Variants in IL1RAPL1 observed in about 807,000 individuals in gnomAD.
IL1RAPL1 encodes interleukin-1 receptor accessory protein-like 1.
In IL1RAPL1, 3 loss-of-function variants were observed where a neutral mutation model predicts 48.4. The ratio of observed to expected loss-of-function variants is 0.06; its 90% CI spans 0.03 to 0.16. IL1RAPL1 has a LOEUF of 0.16. IL1RAPL1 is among the 10% of genes least tolerant of loss of function. The pLI is 1.00. For missense variants in IL1RAPL1, 349 were observed against 530.6 expected, an observed-to-expected ratio of 0.66 and a Z score of 3.36; for synonymous variants, 185 against 187.7, an observed-to-expected ratio of 0.99 and a Z score of 0.12.
intron 6 of IL1RAPL1, among the ~76,000 whole-genome samples, chrX:29,887,213 C>T (rs755832031): frequency 7.1e-5 from 8 of 112,159 alleles, no homozygotes; most frequent in South Asian, 3.7e-4. Flanking sequence ...AGAGTAAAAT[C>T]GCCACAGATT....
chrX:29,528,297 A>G (rs1935575767), intron 5 of IL1RAPL1, among the ~76,000 whole-genome samples: 1 of 112,696 alleles, frequency 8.9e-6, no homozygotes, highest in Admixed American at 9.4e-5. Context: ...TAGTACATAT[A>G]CACAATAAAG....
chrX:29,738,450 C>CTTTTTTTTTTTTTTTTTTTTTTTTTTT (rs59952038), intron 6 of IL1RAPL1, among the ~76,000 whole-genome samples: 5 of 86,165 alleles, frequency 5.8e-5, no homozygotes, highest in African/African-American at 1.4e-4. Flanking sequence ...CTTTTCTTTT[C>CTTTTTTTTTTTTTTTTTTTTTTTTTTT]TTTTTTTTTT....
At chrX:29,538,012 A>G (rs1478600413) in intron 5 of IL1RAPL1, among the ~76,000 whole-genome samples, 1 of 111,411 alleles carries the variant, frequency 9.0e-6, no homozygotes, top group Non-Finnish European at 1.9e-5. Flanking sequence ...TACATTAACT[A>G]TATTTCATTC....
chrX:28,943,466 G>A (rs952516707), intron 2 of IL1RAPL1, among the ~76,000 whole-genome samples: 3 of 110,093 alleles, frequency 2.7e-5, no homozygotes, highest in Non-Finnish European at 5.7e-5. Context: ...TAGATGTCAT[G>A]GAGGAAGAAT....
At chrX:29,306,710 A>C (rs1602161774) in intron 3 of IL1RAPL1, among the ~76,000 whole-genome samples, 2 of 95,848 alleles carry the variant, frequency 2.1e-5, no homozygotes, top group Non-Finnish European at 4.2e-5. Context: ...AAAATACAAA[A>C]ATTAGCTGGG....
intron 1 of IL1RAPL1, among the ~76,000 whole-genome samples, chrX:28,593,297 T>C (rs1933923080): frequency 9.0e-6 from 1 of 111,639 alleles, no homozygotes; most frequent in African/African-American, 3.3e-5. Flanking sequence ...TGTTGCTTTC[T>C]TATCACATGA....
chrX:29,230,510 A>AAAAAAAAC (rs1181710408), intron 2 of IL1RAPL1, among the ~76,000 whole-genome samples: 1 of 74,983 alleles, frequency 1.3e-5, no homozygotes, highest in African/African-American at 5.7e-5. Context: ...TTACCAAAAA[A>AAAAAAAAC]AAAAAAAAAA....
At chrX:28,723,785 T>C (rs1469802161) in intron 1 of IL1RAPL1, among the ~76,000 whole-genome samples, 4 of 112,060 alleles carry the variant, frequency 3.6e-5, no homozygotes, top group African/African-American at 1.3e-4. Flanking sequence ...GAGATTCTGG[T>C]ATGTTGTGTC....
chrX:29,184,707 G>A (rs946863823), intron 2 of IL1RAPL1, among the ~76,000 whole-genome samples: 3 of 110,521 alleles, frequency 2.7e-5, no homozygotes, highest in African/African-American at 9.9e-5. Flanking sequence ...CACCATGTTG[G>A]CCAGGCTGGT....
intron 2 of IL1RAPL1, among the ~76,000 whole-genome samples, chrX:28,835,358 G>T (rs1921177862): frequency 9.0e-6 from 1 of 110,821 alleles, no homozygotes; most frequent in Non-Finnish European, 1.9e-5. Context: ...TTACCTTAAA[G>T]AATTTCAATA....
At chrX:28,988,204 C>A (rs1925521653) in intron 2 of IL1RAPL1, among the ~76,000 whole-genome samples, 1 of 111,245 alleles carries the variant, frequency 9.0e-6, no homozygotes, top group Admixed American at 9.6e-5. Context: ...CAATACAAAT[C>A]AAATACTGTT....
chrX:29,905,518 T>C (rs1932591583), intron 6 of IL1RAPL1, among the ~76,000 whole-genome samples: 1 of 110,841 alleles, frequency 9.0e-6, no homozygotes, highest in Non-Finnish European at 1.9e-5. Context: ...AAGTCTTTCT[T>C]TAATCCGTCT....
intron 2 of IL1RAPL1, among the ~76,000 whole-genome samples, chrX:29,096,414 G>T (rs1159707666): frequency 1.8e-5 from 2 of 111,633 alleles, no homozygotes; most frequent in African/African-American, 3.2e-5. Context: ...TACTCGTACA[G>T]AATCTAATTT....
At chrX:29,232,108 G>A (rs895308181) in intron 2 of IL1RAPL1, among the ~76,000 whole-genome samples, 6 of 111,337 alleles carry the variant, frequency 5.4e-5, no homozygotes, top group Non-Finnish European at 1.1e-4. Context: ...ATGAAATTAA[G>A]TGTAGATATA....
intron 6 of IL1RAPL1, among the ~76,000 whole-genome samples, chrX:29,846,778 G>GTATATATGTA (rs750297946): frequency 4.5e-4 from 33 of 74,043 alleles, no homozygotes; most frequent in African/African-American, 1.7e-3. Flanking sequence ...ACATATATAT[G>GTATATATGTA]TATATATGTA....
chrX:29,109,595 G>A (rs928419875), intron 2 of IL1RAPL1, among the ~76,000 whole-genome samples: 14 of 111,072 alleles, frequency 1.3e-4, no homozygotes, highest in Admixed American at 3.8e-4. Flanking sequence ...TAGCCTGTGG[G>A]TAGAGGACAG....
At chrX:28,963,866 C>T (rs770673011) in intron 2 of IL1RAPL1, among the ~76,000 whole-genome samples, 5 of 110,970 alleles carry the variant, frequency 4.5e-5, no homozygotes, top group South Asian at 7.5e-4. Context: ...ACCTTACTTC[C>T]CTCACCCTAC....
rs1935434856 is a variant in IL1RAPL1 at position 28,711,069 on chromosome X, G to A, written c.-24-78251G>A. On this transcript the variant is annotated intron_variant, in intron 1 of 10. Coordinates refer to ENST00000378993, the MANE Select transcript of IL1RAPL1 (RefSeq NM_014271.4). ...TGTTGAGAAATGCCCAAGTTTGGAA[G>A]GAAGAGGGGAATCGTGCATAGAAGC... Among the ~76,000 whole-genome samples, 3 of 112,107 alleles carry A rather than the reference G, an allele frequency of 2.7e-5. No individual in the cohort carries two copies. The Admixed American group carries it at 2.9e-4, about 11-fold the overall frequency.
At chrX:29,552,081 C>A (rs898871755) in intron 5 of IL1RAPL1, among the ~76,000 whole-genome samples, 39 of 111,247 alleles carry the variant, frequency 3.5e-4, no homozygotes, top group Non-Finnish European at 6.8e-4. Context: ...AGGCTTTGTT[C>A]CAGGCCATTG....
Sources: allele counts gnomAD v4.1 joint callset (sites outside exome capture counted in the v4.1 genomes callset), GRCh38; gene constraint gnomAD v4.1.1; transcripts MANE v1.5; gene names NCBI Gene and HGNC (gene_info 2026-07-23, HGNC 2026-07-21).